Variants in DEF8 observed in about 807,000 individuals in gnomAD.
DEF8 encodes the protein DEF-8.
Under a neutral mutation model 59.1 loss-of-function variants are expected in DEF8, and 38 were observed. The observed-to-expected ratio is 0.64, with a 90% confidence interval of 0.50 to 0.84. DEF8 has a LOEUF of 0.84. Among genes scored for constraint, DEF8 ranks in the 40% least tolerant of loss-of-function variants. The pLI is 0.00. For synonymous variants in DEF8, 265 were observed against 250.1 expected, an observed-to-expected ratio of 1.06 and a Z score of -0.56; for missense variants, 557 against 615.2, an observed-to-expected ratio of 0.91 and a Z score of 1.00.
chr16:89,962,624 C>T (rs1429577908), intron 9 of DEF8, among the ~76,000 whole-genome samples: 1 of 152,170 alleles, frequency 6.6e-6, no homozygotes, highest in Non-Finnish European at 1.5e-5. Context: ...TCACTGCACT[C>T]CAGCCTGGGC....
intron 2 of DEF8, among the ~76,000 whole-genome samples, chr16:89,953,501 T>G (rs2032572288): frequency 6.6e-6 from 1 of 152,218 alleles, no homozygotes; most frequent in African/African-American, 2.4e-5. Flanking sequence ...GCCTGTTTCC[T>G]GGGTTCCTGA....
intron 4 of DEF8, among the ~76,000 whole-genome samples, 186 bp downstream of exon 4, chr16:89,955,452 C>A (rs77647872): frequency 1.3e-5 from 2 of 152,160 alleles, no homozygotes; most frequent in Non-Finnish European, 2.9e-5. Context: ...GAATCTGAGG[C>A]CTGCATGACA....
At chr16:89,963,713 C>T (rs924409814) in intron 10 of DEF8, 1 of 533,902 alleles carries the variant, frequency 1.9e-6, no homozygotes, top group Non-Finnish European at 3.4e-6. Context: ...CCACAAAACA[C>T]AGTTTTCAAG....
chr16:89,964,212 T>C lies in DEF8; in HGVS notation c.1045T>C (p.Ser349Pro). Residue 349 changes from serine (S) to proline (P), a missense_variant, in exon 11 of 13, where the codon TCT (serine) becomes CCT (proline). Transcript: ENST00000563594. ...QHFVENDEMY[S>P]VQDLLDVHAG... ...TTTTGTGGAGAACGACGAGATGTAC[T>C]CTGTCCAGGACCTCCTGGACGTGCA... is the stretch of plus-strand genomic sequence containing the variant. The C allele has an allele frequency of 1.2e-6, 2 of 1,613,814 alleles. No homozygotes were observed. The highest frequency in any genetic ancestry group is 1.7e-6 in the Non-Finnish European group (2 of 1,179,904).
rs1439930582 is a variant in DEF8, at chr16:89,957,516, G to C, written c.228G>C (p.Leu76=). Residue 76 remains leucine, a synonymous_variant, in exon 5 of 13, where the codon CTG becomes CTC. Coordinates refer to ENST00000563594, the MANE Select transcript of DEF8 (RefSeq NM_001242818.2). ...SEDHFSRPVG[L]FLASDVQQLR... is the part of the protein sequence containing the mutation. The stretch of plus-strand genomic sequence containing the variant: ...CCCGCCCCCAACCTGGGCAGGGTCT[G>C]TTCCTGGCCTCTGACGTCCAGCAGC... The C allele has an allele frequency of 3.8e-6, 6 of 1,585,592 alleles. No individual in the cohort carries two copies. The highest frequency in any genetic ancestry group is 1.1e-5 in the South Asian group (1 of 87,220).
chr16:89,962,107 G>A lies in DEF8; in HGVS notation c.903G>A (p.Glu301=). The change falls in exon 9 of 13, where the codon GAG becomes GAA. Residue 301 remains glutamate, a synonymous_variant. Coordinates refer to ENST00000563594, the MANE Select transcript of DEF8 (RefSeq NM_001242818.2). Reference sequence around the variant, plus strand: ...ACCCTCTGCTGTTCAGCTACGTGGAGGAGCTGGTGGAGATTCGCGTGAGGC... The same window carrying A: ...ACCCTCTGCTGTTCAGCTACGTGGAAGAGCTGGTGGAGATTCGCGTGAGGC... ...EINPLLFSYV[E]ELVEIRKLRQ... is the part of the protein sequence containing the mutation. 1 of 1,614,000 alleles carries A rather than the reference G, an allele frequency of 6.2e-7. No individual in the cohort carries two copies. Among genetic ancestry groups the A allele is most frequent in the Non-Finnish European group, 8.5e-7 (1 of 1,179,944 alleles).
intron 4 of DEF8, 133 bp downstream of exon 4, chr16:89,955,399 G>A: frequency 2.8e-6 from 2 of 719,890 alleles, no homozygotes; most frequent in Non-Finnish European, 4.7e-6. Flanking sequence ...TCACTCCATT[G>A]TCAGGCTCAG....
At chr16:89,955,040 T>A (rs2032906792) in intron 3 of DEF8, 129 bp from the exon 4 acceptor site, 2 of 671,710 alleles carry the variant, frequency 3.0e-6, no homozygotes, top group South Asian at 3.5e-5. Flanking sequence ...TGCCCAGCTC[T>A]CACGGTGCCT....
chr16:89,958,851 A>C (rs1665957495), intron 5 of DEF8, among the ~76,000 whole-genome samples, 163 bp from the exon 6 acceptor site: 1 of 152,216 alleles, frequency 6.6e-6, no homozygotes, highest in Non-Finnish European at 1.5e-5. Context: ...CCAGCTGATC[A>C]TTGTTTACTG....
Position 89,954,029 on chromosome 16 carries a change from C to T in DEF8, c.-10-214C>T, listed in dbSNP as rs1280574362. 2 of 575,720 alleles carry T rather than the reference C, an allele frequency of 3.5e-6. No homozygotes were observed. Among genetic ancestry groups the T allele is most frequent in the Non-Finnish European group, 6.1e-6 (2 of 329,852 alleles). The allele number at this position is 575,720 out of a possible 1,614,324, so 35.7% of individuals were successfully genotyped here. A position where few individuals can be genotyped will look rare whatever the true frequency, so the allele number is the denominator to read the frequency against. ...CCCTCATTGTCACCGTGAGCTCTTT[C>T]CAAGGGGACGCCACCAGTGGGGGCC... On this transcript the variant is annotated intron_variant, in intron 2 of 12. Coordinates refer to ENST00000563594, the MANE Select transcript of DEF8 (RefSeq NM_001242818.2). The surrounding 1 kb of genome is among the most constrained non-coding windows in gnomAD (Gnocchi z 4.3).
At position 89,954,165 on chromosome 16, in the gene DEF8, C is replaced by T. The variant is rs1237113610; in HGVS notation, c.-10-78C>T. On this transcript the variant is annotated intron_variant, in intron 2 of 12. Coordinates refer to ENST00000563594, the MANE Select transcript of DEF8 (RefSeq NM_001242818.2). This position sits in a 1 kb window ranked among gnomAD's most constrained non-coding sequence, Gnocchi z 4.3. ...GAGGCCAGCCTCACCCCAGACACCC[C>T]AGTGTGGTTGGGGAAAGGGGGTGGT... 1 of 1,524,958 alleles carries T rather than the reference C, an allele frequency of 6.6e-7. No individual in the cohort carries two copies. Among genetic ancestry groups the T allele is most frequent in the African/African-American group, 1.4e-5 (1 of 73,304 alleles). The allele number at this position is 1,524,958 out of a possible 1,614,324, so 94.5% of individuals were successfully genotyped here. A position where few individuals can be genotyped will look rare whatever the true frequency, so the allele number is the denominator to read the frequency against.
chr16:89,961,952 G>A (rs1342040233), intron 8 of DEF8, 60 bp from the exon 9 acceptor site: 4 of 1,607,346 alleles, frequency 2.5e-6, no homozygotes, highest in Non-Finnish European at 2.6e-6. Context: ...CTGGTTGGGT[G>A]TTGCCCGCTG....
intron 4 of DEF8, among the ~76,000 whole-genome samples, chr16:89,955,756 G>T (rs1427363453): frequency 6.6e-6 from 1 of 152,198 alleles, no homozygotes; most frequent in African/African-American, 2.4e-5. Flanking sequence ...AGAAGAAAAG[G>T]GGGAGGATAT....
intron 6 of DEF8, chr16:89,959,442 A>G: frequency 1.0e-6 from 1 of 999,586 alleles, no homozygotes; most frequent in Non-Finnish European, 1.4e-6. Flanking sequence ...ATGTGACTTT[A>G]GGGCAGAATG....
At position 89,967,602 on chromosome 16, in the gene DEF8, T is replaced by C. The variant is rs2151234210; in HGVS notation, c.*1639T>C. On this transcript the variant is annotated 3_prime_UTR_variant, in exon 13 of 13. Coordinates refer to ENST00000563594, the MANE Select transcript of DEF8 (RefSeq NM_001242818.2). Reference sequence around the variant, plus strand: ...CAACAGTGTGGGTTCCTGTCCTGTTTCCCCTTCCTCTTTGGGGCTGAGGAG... The same window carrying C: ...CAACAGTGTGGGTTCCTGTCCTGTTCCCCCTTCCTCTTTGGGGCTGAGGAG... 1 of 397,614 alleles carries C rather than the reference T, an allele frequency of 2.5e-6. No homozygotes were observed. Among genetic ancestry groups the C allele is most frequent in the African/African-American group, 2.1e-5 (1 of 48,742 alleles). 24.6% of individuals were successfully genotyped at this position (397,614 alleles called of 1,614,324 possible). A position where few individuals can be genotyped will look rare whatever the true frequency, so the allele number is the denominator to read the frequency against.
chr16:89,963,569 G>A (rs984234249), intron 10 of DEF8, 126 bp downstream of exon 10: 4 of 694,308 alleles, frequency 5.8e-6, no homozygotes, highest in Non-Finnish European at 4.8e-6. Context: ...GCCTCACCAC[G>A]GTCCCAAGGA....
intron 7 of DEF8, 83 bp downstream of exon 7, chr16:89,961,178 G>T (rs1262935509): frequency 9.1e-6 from 14 of 1,532,946 alleles, no homozygotes; most frequent in African/African-American, 1.4e-5. Flanking sequence ...GGGCACGTAA[G>T]TCAGACAGTT....
In DEF8 at chr16:89,949,617, C is replaced by T. The variant is rs202141475; in HGVS notation, c.-11+104C>T. The T allele has an allele frequency of 1.2e-5, 19 of 1,612,304 alleles. No individual in the cohort carries two copies. The highest frequency in any genetic ancestry group is 1.6e-5 in the Non-Finnish European group (19 of 1,179,548). ...ACACCGCTTCCTGGTGGTCACGCCGCGGGCAGGACGCGGGAGGCCAGGTCC... is the reference window on the plus strand; with the variant it reads ...ACACCGCTTCCTGGTGGTCACGCCGTGGGCAGGACGCGGGAGGCCAGGTCC... On this transcript the variant is annotated intron_variant, in intron 2 of 12. Coordinates refer to ENST00000563594, the MANE Select transcript of DEF8 (RefSeq NM_001242818.2).
chr16:89,960,577 T>G (rs1039462101), intron 6 of DEF8, among the ~76,000 whole-genome samples: 1 of 143,950 alleles, frequency 6.9e-6, no homozygotes, highest in Non-Finnish European at 1.5e-5. Context: ...CTCATGATAT[T>G]GAAAGGGTGG....
Sources: allele counts gnomAD v4.1 joint callset (sites outside exome capture counted in the v4.1 genomes callset), GRCh38; gene constraint gnomAD v4.1.1; non-coding constraint Gnocchi (gnomAD v3.1); transcripts MANE v1.5; gene names NCBI Gene and HGNC (gene_info 2026-07-23, HGNC 2026-07-21).